CCR9: variants seen among roughly 807,000 people sequenced by gnomAD.
CCR9 encodes C-C chemokine receptor type 9.
CCR9 carries 4 observed loss-of-function variants against 8.7 expected under a neutral mutation model. That is an observed-to-expected ratio of 0.46 (90% CI 0.23 to 1.06). The LOEUF is 1.06. Ranked by LOEUF, CCR9 falls within the 50% of genes least tolerant of loss-of-function variation. The probability of loss-of-function intolerance (pLI) is 0.21; values close to 1 mark genes in which losing one functional copy is unlikely to be tolerated. For synonymous variants in CCR9, 159 were observed against 168.8 expected, an observed-to-expected ratio of 0.94 and a Z score of 0.45; for missense variants, 394 against 453.6, an observed-to-expected ratio of 0.87 and a Z score of 1.19.
At chr3:45,887,703 G>C (rs1702024895) in intron 1 of CCR9, among the ~76,000 whole-genome samples, 1 of 152,168 alleles carries the variant, frequency 6.6e-6, no homozygotes, top group African/African-American at 2.4e-5. Context: ...TCCAATATCT[G>C]CTTATCTGTT....
At chr3:45,894,474 TAGCTGATAG>T (rs1702287565) in intron 1 of CCR9, among the ~76,000 whole-genome samples, 1 of 152,158 alleles carries the variant, frequency 6.6e-6, no homozygotes, top group Non-Finnish European at 1.5e-5. Flanking sequence ...GTGAGTCCCT[TAGCTGATAG>T]AGCAGGGGGA....
chr3:45,894,454 G>A (rs192311087), intron 1 of CCR9, among the ~76,000 whole-genome samples: 32 of 152,312 alleles, frequency 2.1e-4, no homozygotes, highest in Admixed American at 1.6e-3. Flanking sequence ...CCACTGTCCT[G>A]TTAGCTTCGG....
At chr3:45,886,404 G>A (rs967740345), upstream of CCR9, 3 of 152,228 alleles carry the variant, frequency 2.0e-5, no homozygotes, top group African/African-American at 7.2e-5. Flanking sequence ...TTTGTTTCTG[G>A]TTGCAAATGA....
chr3:45,886,795 C>T (rs1231366856), intron 1 of CCR9, 140 bp downstream of exon 1: 8 of 152,284 alleles, frequency 5.3e-5, no homozygotes, highest in Admixed American at 5.2e-4. Flanking sequence ...TTTCTAGAAA[C>T]TTCCAGGAAG....
intron 2 of CCR9, among the ~76,000 whole-genome samples, chr3:45,897,263 C>T (rs1001839341): frequency 6.6e-6 from 1 of 152,146 alleles, no homozygotes; most frequent in Admixed American, 6.5e-5. Flanking sequence ...GGATTCCTCT[C>T]GTGGTCCTGA....
chr3:45,900,864 G>T lies in CCR9; in HGVS notation c.76G>T (p.Glu26Ter), dbSNP rs771783658. 2 of 1,614,068 alleles carry T rather than the reference G, an allele frequency of 1.2e-6. No individual in the cohort carries two copies. Among genetic ancestry groups the T allele is most frequent in the Non-Finnish European group, 1.7e-6 (2 of 1,179,996 alleles). The part of the protein sequence containing the change: ...DYGSESTSSM[E>*]DYVNFNFTDF... ...TGGCTCTGAATCCACATCTTCCATG[G>T]AAGACTACGTTAACTTCAACTTCAC... The change falls in exon 3 of 3, where the codon GAA (glutamate) becomes TAA (stop). Residue 26 changes from glutamate (E) to a stop codon, truncating the protein, a stop_gained. Coordinates refer to ENST00000357632, the MANE Select transcript of CCR9 (RefSeq NM_031200.3). LOFTEE classifies it low-confidence loss of function (END_TRUNC). This position sits in a 1 kb window ranked among gnomAD's most constrained non-coding sequence, Gnocchi z 4.7.
chr3:45,897,699 C>A, intron 2 of CCR9: 1 of 1,164,496 alleles, frequency 8.6e-7, no homozygotes, highest in Non-Finnish European at 1.2e-6. Context: ...TCCCCAGGAA[C>A]CAAAGTCGTC....
chr3:45,887,649 G>A (rs559639308), intron 1 of CCR9, among the ~76,000 whole-genome samples: 4 of 152,322 alleles, frequency 2.6e-5, no homozygotes, highest in Non-Finnish European at 4.4e-5. Context: ...ACGAGCAAAA[G>A]CTAATTTACT....
rs1702196897 is a variant in CCR9, at chr3:45,892,103, G to C, written c.-28-2803G>C. Among the ~76,000 whole-genome samples the C allele has an allele frequency of 2.6e-5, 4 of 152,240 alleles. No individual in the cohort carries two copies. In the South Asian group the frequency reaches 8.3e-4, roughly 32 times the overall value. On this transcript the variant is annotated intron_variant, in intron 1 of 2. Transcript: ENST00000357632. ...TTTAGATTCCAAGATCAGGGCACTA[G>C]GTGCTAATTATGCTGTGTATCATTG...
Position 45,901,739 on chromosome 3 carries a change from T to C in CCR9, c.951T>C (p.Tyr317=), listed in dbSNP as rs772773310. Residue 317 remains tyrosine (Y), a synonymous_variant, in exon 3 of 3, where the codon TAT becomes TAC. Transcript: ENST00000357632. This position sits in a 1 kb window ranked among gnomAD's most constrained non-coding sequence, Gnocchi z 4.3. ...ACAGTTGCCTGAACCCTGTTCTCTA[T>C]GTTTTTGTGGGTGAGAGATTCCGCC... is the stretch of plus-strand genomic sequence containing the variant. ...FFHSCLNPVL[Y]VFVGERFRRD... The C allele has an allele frequency of 1.9e-6, 3 of 1,614,228 alleles. No homozygotes were observed. The highest frequency in any genetic ancestry group is 2.2e-5 in the East Asian group (1 of 44,884).
At chr3:45,899,551 C>T (rs1702477090) in intron 2 of CCR9, among the ~76,000 whole-genome samples, 1 of 152,168 alleles carries the variant, frequency 6.6e-6, no homozygotes, top group African/African-American at 2.4e-5. Context: ...TGAACTATTG[C>T]ATTTGCCTCA....
chr3:45,889,313 A>T (rs1559420878), intron 1 of CCR9, among the ~76,000 whole-genome samples: 2 of 152,172 alleles, frequency 1.3e-5, no homozygotes, highest in Admixed American at 1.3e-4. Context: ...TTAAAAAAAA[A>T]AATAAAGAGA....
Position 45,897,795 on chromosome 3 carries a change from C to G in CCR9, c.21+2841C>G, listed in dbSNP as rs373190542. The G allele has an allele frequency of 1.2e-3, 693 of 573,022 alleles. 9 individuals are homozygous for G. The South Asian group carries it at 0.015, about 12-fold the overall frequency. The allele number at this position is 573,022 out of a possible 1,614,324, so 35.5% of individuals were successfully genotyped here. ...CTTGTCTGTCTTCCTCTTAACATGT[C>G]TTTAAAATCCATGCTGCTCCTCGCT... is the stretch of plus-strand genomic sequence containing the variant. On this transcript the variant is annotated intron_variant, in intron 2 of 2. Transcript: ENST00000357632.
In CCR9 at chr3:45,894,922, G is replaced by A. The variant is rs200276505; in HGVS notation, c.-12G>A. Reference sequence around the variant, plus strand: ...CTTTTCCAGGAGCAGGCTTGCATCTGACTGACCCACCATGACACCCACAGA... The same window carrying A: ...CTTTTCCAGGAGCAGGCTTGCATCTAACTGACCCACCATGACACCCACAGA... On this transcript the variant is annotated 5_prime_UTR_variant, in exon 2 of 3. Coordinates refer to ENST00000357632, the MANE Select transcript of CCR9 (RefSeq NM_031200.3). 1.9e-5 allele frequency: 30 copies of A among 1,613,858 alleles called. No individual in the cohort carries two copies. Among genetic ancestry groups the A allele is most frequent in the Non-Finnish European group, 2.4e-5 (28 of 1,179,894 alleles).
Position 45,900,946 on chromosome 3 carries a change from C to A in CCR9, c.158C>A (p.Pro53His). Residue 53 changes from proline (P) to histidine (H), a missense_variant, in exon 3 of 3, where the codon CCC becomes CAC. Pro to His is a moderately conservative substitution (Grantham distance 77, BLOSUM62 -2). Transcript: ENST00000357632. This position sits in a 1 kb window ranked among gnomAD's most constrained non-coding sequence, Gnocchi z 4.7. ...VRQFASHFLP[P>H]LYWLVFIVGA... ...CAGTTTGCGAGCCATTTCCTCCCAC[C>A]CTTGTACTGGCTCGTGTTCATCGTG... 1 of 1,614,214 alleles carries A rather than the reference C, an allele frequency of 6.2e-7. No individual in the cohort carries two copies.
chr3:45,890,281 T>TAA (rs1559421405), intron 1 of CCR9, among the ~76,000 whole-genome samples: 8 of 64,416 alleles, frequency 1.2e-4, no homozygotes, highest in East Asian at 4.5e-4. Context: ...CATATATATA[T>TAA]ATTTATATAA....
At chr3:45,890,324 A>ACATATATATATTTAT (rs572867024) in intron 1 of CCR9, among the ~76,000 whole-genome samples, 1 of 83,094 alleles carries the variant, frequency 1.2e-5, no homozygotes, top group Non-Finnish European at 2.1e-5. Flanking sequence ...TATTTATATA[A>ACATATATATATTTAT]ATATATATAT....
intron 1 of CCR9, among the ~76,000 whole-genome samples, chr3:45,889,254 G>A (rs1702072109): frequency 6.6e-6 from 1 of 151,982 alleles, no homozygotes; most frequent in Non-Finnish European, 1.5e-5. Context: ...CAAAGTGTTG[G>A]AATTACAGGC....
In CCR9 at chr3:45,900,766, AAAAT is replaced by A. The variant is rs780887972; in HGVS notation, c.22-42_22-39del. 5 of 1,566,346 alleles carry A rather than the reference AAAAT, an allele frequency of 3.2e-6. No homozygotes were observed. In the African/African-American group the frequency reaches 6.8e-5, roughly 21 times the overall value. On this transcript the variant is annotated intron_variant, in intron 2 of 2. Transcript: ENST00000357632. The surrounding 1 kb of genome is among the most constrained non-coding windows in gnomAD (Gnocchi z 4.7). ...GCCTCTGCCATCAGACAGGACCTTC[AAAAT>A]ATTTTCCTTGACCTAATGCCATCTT...
Sources: gnomAD v4.1 joint callset for allele counts (sites outside exome capture counted in the v4.1 genomes callset) on GRCh38, gnomAD v4.1.1 for gene constraint, Gnocchi (gnomAD v3.1) non-coding constraint, MANE v1.5 for transcripts, NCBI Gene and HGNC (gene_info 2026-07-23, HGNC 2026-07-21) for gene names.